ASPRV1: variants seen among roughly 807,000 people sequenced by gnomAD.
ASPRV1 encodes the protein aspartic peptidase retroviral like 1.
In ASPRV1, 7 loss-of-function variants were observed where a neutral mutation model predicts 11.0. The ratio of observed to expected loss-of-function variants is 0.64; its 90% confidence interval spans 0.36 to 1.20. The LOEUF (loss-of-function observed/expected upper bound fraction) is 1.20. Among genes scored for constraint, ASPRV1 ranks in the 50% most tolerant of loss-of-function variants. The pLI, the probability that ASPRV1 is intolerant of heterozygous loss-of-function variation, is 0.02. For synonymous variants in ASPRV1, 136 were observed against 138.4 expected (o/e 0.98, Z 0.12); for missense variants, 299 against 320.0 (o/e 0.93, Z 0.50).
chr2:69,987,582 C>CAAAAA, the ASPRV1 span, among the ~76,000 whole-genome samples: 2 of 48,372 alleles, frequency 4.1e-5, no homozygotes, highest in Non-Finnish European at 4.7e-5. Context: ...CTCATCTCTA[C>CAAAAA]AAAAAAAAAA....
At chr2:69,933,200 CAAAAAAA>C in the ASPRV1 span, among the ~76,000 whole-genome samples, 16 of 80,142 alleles carry the variant, frequency 2.0e-4, no homozygotes, top group Non-Finnish European at 3.7e-4. Context: ...AACTCTGTCT[CAAAAAAA>C]AAAAAAAAAA....
the ASPRV1 span, among the ~76,000 whole-genome samples, chr2:69,953,571 T>A: frequency 6.6e-6 from 1 of 151,482 alleles, no homozygotes; most frequent in African/African-American, 2.4e-5. Flanking sequence ...TCTCCAATGC[T>A]TCACTGCTGC....
the ASPRV1 span, among the ~76,000 whole-genome samples, chr2:70,024,792 G>C: frequency 2.0e-5 from 3 of 152,086 alleles, no homozygotes; most frequent in Non-Finnish European, 2.9e-5. Context: ...CCAGACAGAG[G>C]AGTTGCAGCA....
the ASPRV1 span, among the ~76,000 whole-genome samples, chr2:70,082,664 C>G: frequency 6.6e-6 from 1 of 152,136 alleles, no homozygotes; most frequent in Non-Finnish European, 1.5e-5. Context: ...GAGCCAGGAT[C>G]GCGCCACTGC....
chr2:70,072,921 C>T, the ASPRV1 span, among the ~76,000 whole-genome samples: 1 of 149,542 alleles, frequency 6.7e-6, no homozygotes, highest in Admixed American at 6.7e-5. Flanking sequence ...AAAAAACAGC[C>T]GGGCATGGTG....
chr2:70,051,277 A>C, the ASPRV1 span: 8 of 152,214 alleles, frequency 5.3e-5, no homozygotes, highest in Non-Finnish European at 7.3e-5. Context: ...TCACATTCTT[A>C]ACCACTGTGT....
At chr2:69,948,213 A>C in the ASPRV1 span, among the ~76,000 whole-genome samples, 1 of 152,120 alleles carries the variant, frequency 6.6e-6, no homozygotes, top group South Asian at 2.1e-4. Context: ...GCACCACCGC[A>C]CTCCAGCCCG....
chr2:69,986,605 C>T, the ASPRV1 span, among the ~76,000 whole-genome samples: 274 of 152,342 alleles, frequency 1.8e-3, no homozygotes, highest in South Asian at 0.015. Flanking sequence ...AGACCACAGG[C>T]GCTGCCCTGG....
At chr2:69,934,455 C>G in the ASPRV1 span, among the ~76,000 whole-genome samples, 2 of 152,194 alleles carry the variant, frequency 1.3e-5, no homozygotes, top group African/African-American at 4.8e-5. Context: ...TTCATCCAGC[C>G]CTTCTCCCTC....
downstream of ASPRV1, among the ~76,000 whole-genome samples, chr2:69,957,677 G>T (rs1255008746): frequency 6.6e-6 from 1 of 151,844 alleles, no homozygotes. Flanking sequence ...CAACAGGCTC[G>T]CAGGTGATGC....
chr2:70,057,527 G>A, the ASPRV1 span, among the ~76,000 whole-genome samples: 3 of 151,840 alleles, frequency 2.0e-5, no homozygotes, highest in African/African-American at 7.2e-5. Context: ...TGCCCGGGCT[G>A]GAGTGCAGTG....
the ASPRV1 span, chr2:69,976,440 T>C: frequency 6.6e-6 from 1 of 152,258 alleles, no homozygotes; most frequent in African/African-American, 2.4e-5. Flanking sequence ...GTCACTTCCA[T>C]AGCCCTTGAG....
chr2:70,014,812 A>AG, the ASPRV1 span, among the ~76,000 whole-genome samples: 3 of 151,392 alleles, frequency 2.0e-5, no homozygotes, highest in South Asian at 2.1e-4. Flanking sequence ...AAAAAAAAAA[A>AG]AAAAAAGAAA....
At chr2:69,998,524 G>A in the ASPRV1 span, among the ~76,000 whole-genome samples, 2 of 151,982 alleles carry the variant, frequency 1.3e-5, no homozygotes, top group Non-Finnish European at 1.5e-5. Context: ...GGTGGATCAC[G>A]AGGTCAGATC....
chr2:70,060,088 T>C, the ASPRV1 span: 1 of 152,148 alleles, frequency 6.6e-6, no homozygotes, highest in Non-Finnish European at 1.5e-5. Context: ...ATGCCTGTAA[T>C]CCCAGCACTT....
chr2:70,061,401 AAAAAAAAAC>A, the ASPRV1 span, among the ~76,000 whole-genome samples: 1 of 151,710 alleles, frequency 6.6e-6, no homozygotes, highest in African/African-American at 2.4e-5. Context: ...TCTCAAAAAA[AAAAAAAAAC>A]AAAAAAAAAC....
upstream of ASPRV1, chr2:69,962,706 G>C (rs1254847364): frequency 6.3e-6 from 1 of 159,928 alleles, no homozygotes; most frequent in African/African-American, 2.4e-5. Context: ...CCATTCAAAG[G>C]TCACTCCATG....
chr2:69,961,619 C>A lies in ASPRV1; in HGVS notation c.-183G>T. The A allele has an allele frequency of 6.2e-7, 1 of 1,607,894 alleles. No homozygotes were observed. Among genetic ancestry groups the A allele is most frequent in the South Asian group, 1.1e-5 (1 of 89,968 alleles). ...GGCTGGCTGACTGCTGGGGCAGAGG[C>A]AGGCAGTGCTGTGGCCTGTTCACTC... On this transcript the variant is annotated 5_prime_UTR_variant, in exon 1 of 1. Coordinates refer to ENST00000320256, the MANE Select transcript of ASPRV1 (RefSeq NM_152792.4).
chr2:69,955,359 C>T (rs11126254), downstream of ASPRV1, among the ~76,000 whole-genome samples: 36,497 of 152,076 alleles, frequency 0.24, 6,893 homozygotes, highest in African/African-American at 0.52. Context: ...TTGACACTGG[C>T]CCTCGAGGCA....
Sources: allele counts gnomAD v4.1 joint callset (sites outside exome capture counted in the v4.1 genomes callset), GRCh38; gene constraint gnomAD v4.1.1; transcripts MANE v1.5; gene names NCBI Gene and HGNC (gene_info 2026-07-23, HGNC 2026-07-21).